DOCK3: variants seen among roughly 807,000 people sequenced by gnomAD.
DOCK3 encodes dedicator of cytokinesis protein 3.
DOCK3 carries 60 observed loss-of-function variants against 265.6 expected under a neutral mutation model. The ratio of observed to expected loss-of-function variants is 0.23; its 90% CI spans 0.18 to 0.28. DOCK3 has a LOEUF of 0.28. Ranked by LOEUF, DOCK3 falls within the 10% of genes least tolerant of loss-of-function variation. The pLI is 1.00. For synonymous variants in DOCK3, 881 were observed against 938.0 expected (o/e 0.94, Z 1.11); for missense variants, 1,981 against 2,594.3 (o/e 0.76, Z 5.14).
At chr3:50,800,341 C>A (rs1458979358) in intron 2 of DOCK3, among the ~76,000 whole-genome samples, 1 of 152,016 alleles carries the variant, frequency 6.6e-6, no homozygotes, top group Non-Finnish European at 1.5e-5. Context: ...TGTTGAAAGA[C>A]CTTTTATTAC....
At chr3:51,310,158 C>A (rs1011844172) in intron 27 of DOCK3, 74 bp from the exon 28 acceptor site, 3 of 1,147,250 alleles carry the variant, frequency 2.6e-6, no homozygotes, top group Non-Finnish European at 3.8e-6. Context: ...GATCTAGTGG[C>A]GGCCAGGAGT....
chr3:50,820,360 C>T (rs915644931), intron 2 of DOCK3, among the ~76,000 whole-genome samples: 6 of 152,058 alleles, frequency 3.9e-5, no homozygotes, highest in Non-Finnish European at 8.8e-5. Flanking sequence ...TCTTTGTGAC[C>T]CTTACGTTGC....
intron 3 of DOCK3, among the ~76,000 whole-genome samples, chr3:50,863,210 T>C (rs748977027): frequency 6.6e-6 from 1 of 152,132 alleles, no homozygotes; most frequent in Non-Finnish European, 1.5e-5. Context: ...GTAGGGTATA[T>C]TTGCAGGGGA....
At chr3:50,903,995 A>G (rs543453915) in intron 4 of DOCK3, among the ~76,000 whole-genome samples, 11 of 151,998 alleles carry the variant, frequency 7.2e-5, no homozygotes, top group African/African-American at 1.9e-4. Flanking sequence ...GTTCCCACCT[A>G]TAAGTGAGAA....
At position 50,787,059 on chromosome 3, in the gene DOCK3, C is replaced by T. The variant is rs80199484; in HGVS notation, c.121+8301C>T. 1,502 of 736,168 alleles carry T rather than the reference C, an allele frequency of 2.0e-3. 10 individuals are homozygous for T. In the African/African-American group the frequency reaches 0.022, roughly 11 times the overall value. 45.6% of individuals were successfully genotyped at this position (736,168 alleles called of 1,614,324 possible). On this transcript the variant is annotated intron_variant, in intron 2 of 52. Coordinates refer to ENST00000266037, the MANE Select transcript of DOCK3 (RefSeq NM_004947.5). ...AATTTCTTTTCTTCATATCCATGGA[C>T]GATCTTGATATGTTCATGAAGGATC... is the stretch of plus-strand genomic sequence containing the variant.
At chr3:51,165,207 G>A (rs780885992) in intron 12 of DOCK3, among the ~76,000 whole-genome samples, 6 of 152,134 alleles carry the variant, frequency 3.9e-5, no homozygotes, top group Non-Finnish European at 8.8e-5. Context: ...GGTTACAGGC[G>A]TGAGCCACCA....
intron 4 of DOCK3, among the ~76,000 whole-genome samples, chr3:50,905,189 G>A (rs2049417662): frequency 6.6e-6 from 1 of 152,118 alleles, no homozygotes; most frequent in Admixed American, 6.5e-5. Context: ...TTGAAGTCAG[G>A]TAGTGTGATG....
At chr3:50,940,179 A>G (rs1026362663) in intron 5 of DOCK3, among the ~76,000 whole-genome samples, 3 of 151,762 alleles carry the variant, frequency 2.0e-5, no homozygotes, top group Non-Finnish European at 2.9e-5. Context: ...AAATGAGGCC[A>G]GGCACAGTGT....
At chr3:50,699,754 C>G (rs1295237229) in intron 1 of DOCK3, among the ~76,000 whole-genome samples, 1 of 152,076 alleles carries the variant, frequency 6.6e-6, no homozygotes, top group Non-Finnish European at 1.5e-5. Context: ...GCCTGTTGAC[C>G]TGTGTCAGCT....
At chr3:51,276,471 TTG>T in intron 25 of DOCK3, 5 of 981,052 alleles carry the variant, frequency 5.1e-6, no homozygotes, top group Non-Finnish European at 6.1e-6. Context: ...GACGGTTTGG[TTG>T]TGTTTGTGGG....
intron 5 of DOCK3, among the ~76,000 whole-genome samples, chr3:51,036,388 C>G (rs1005045619): frequency 1.3e-5 from 2 of 152,088 alleles, no homozygotes; most frequent in African/African-American, 2.4e-5. Flanking sequence ...ATTTATCTTT[C>G]CTGTTAATTT....
chr3:51,053,942 A>G (rs1444989869), intron 5 of DOCK3, among the ~76,000 whole-genome samples: 1 of 151,972 alleles, frequency 6.6e-6, no homozygotes, highest in Non-Finnish European at 1.5e-5. Flanking sequence ...CAGGTATTTT[A>G]TCAGTTGAAT....
intron 6 of DOCK3, among the ~76,000 whole-genome samples, chr3:51,073,144 T>A (rs910881094): frequency 3.3e-5 from 5 of 152,216 alleles, no homozygotes; most frequent in African/African-American, 4.8e-5. Flanking sequence ...CTCTTCATTT[T>A]TTATTATTTT....
chr3:50,973,607 A>G (rs1423331832), intron 5 of DOCK3, among the ~76,000 whole-genome samples: 72 of 147,660 alleles, frequency 4.9e-4, no homozygotes, highest in Non-Finnish European at 4.3e-4. Flanking sequence ...ATACGTGTCC[A>G]TGTGTCTTTA....
chr3:50,957,045 G>A (rs149163577), intron 5 of DOCK3, among the ~76,000 whole-genome samples: 26 of 152,206 alleles, frequency 1.7e-4, no homozygotes, highest in African/African-American at 6.3e-4. Context: ...GATTACAGGC[G>A]TGAGCCACCG....
chr3:51,135,863 A>T (rs1409753312), intron 9 of DOCK3, among the ~76,000 whole-genome samples: 1 of 152,036 alleles, frequency 6.6e-6, no homozygotes, highest in East Asian at 1.9e-4. Flanking sequence ...AATGTATACC[A>T]TCATGTCCAG....
At chr3:50,937,780 C>G (rs903935459) in intron 5 of DOCK3, among the ~76,000 whole-genome samples, 3 of 151,752 alleles carry the variant, frequency 2.0e-5, no homozygotes, top group African/African-American at 7.3e-5. Flanking sequence ...ACTGTAAAAT[C>G]AAAATAGAAC....
chr3:51,294,539 G>A (rs763250411), intron 27 of DOCK3, among the ~76,000 whole-genome samples: 15 of 152,062 alleles, frequency 9.9e-5, no homozygotes, highest in Admixed American at 2.0e-4. Flanking sequence ...ATAGCCAGGC[G>A]TGGTGGCAGG....
chr3:51,035,172 A>G (rs1419935376), intron 5 of DOCK3, among the ~76,000 whole-genome samples: 1 of 152,092 alleles, frequency 6.6e-6, no homozygotes, highest in Non-Finnish European at 1.5e-5. Flanking sequence ...ATTTCTACAA[A>G]TATTTTTCTG....
Sources: allele counts gnomAD v4.1 joint callset (sites outside exome capture counted in the v4.1 genomes callset), GRCh38; gene constraint gnomAD v4.1.1; transcripts MANE v1.5; gene names NCBI Gene and HGNC (gene_info 2026-07-23, HGNC 2026-07-21).